ZNF557: variants seen among roughly 807,000 people sequenced by gnomAD.
The protein encoded by ZNF557 is CTB-25J19.9.
ZNF557 carries 19 observed loss-of-function variants against 21.2 expected under a neutral mutation model. The observed-to-expected ratio is 0.90, with a 90% CI of 0.63 to 1.32. The LOEUF (loss-of-function observed/expected upper bound fraction) is 1.32. ZNF557 is among the 40% of genes most tolerant of loss of function. ZNF557 has a pLI of 0.00. For missense variants in ZNF557, 487 were observed against 519.8 expected, an observed-to-expected ratio of 0.94 and a Z score of 0.61; for synonymous variants, 207 against 194.8, an observed-to-expected ratio of 1.06 and a Z score of -0.52.
chr19:7,077,154 G>A (rs867479426), intron 5 of ZNF557, among the ~76,000 whole-genome samples: 4 of 5,638 alleles, frequency 7.1e-4, no homozygotes, highest in African/African-American at 2.9e-3. Context: ...TTTTTTTTTT[G>A]AGATGGAGTT....
rs1216754638 is a variant in ZNF557, at chr19:7,084,755, G to C, written c.*1011G>C. ...TGTAATCTGTATGGTAAAACTTTGA[G>C]CTCAAACTTTCCCCCTACCAAAAAA... On this transcript the variant is annotated 3_prime_UTR_variant, in exon 8 of 8. Coordinates refer to ENST00000252840, the MANE Select transcript of ZNF557 (RefSeq NM_024341.3). 6.6e-6 allele frequency: 1 copy of C among 152,040 alleles called. No individual in the cohort carries two copies. The highest frequency in any genetic ancestry group is 6.6e-5 in the Admixed American group (1 of 15,258). The allele number at this position is 152,040 out of a possible 1,614,324, so 9.4% of individuals were successfully genotyped here.
Position 7,076,518 on chromosome 19 carries a change from T to C in ZNF557, c.247+11T>C. The C allele has an allele frequency of 6.2e-7, 1 of 1,610,386 alleles. No homozygotes were observed. Among genetic ancestry groups the C allele is most frequent in the South Asian group, 1.1e-5 (1 of 90,656 alleles). On this transcript the variant is annotated intron_variant, in intron 5 of 7. Transcript: ENST00000252840. ...ACCTGGCCTCACTGGGTAAGCCTAA[T>C]GTCATTCCTGCATTTATTTAATGAC...
At chr19:7,073,523 A>G (rs913372011) in intron 2 of ZNF557, among the ~76,000 whole-genome samples, 6 of 152,306 alleles carry the variant, frequency 3.9e-5, no homozygotes, top group African/African-American at 1.4e-4. Flanking sequence ...GTACAAATAT[A>G]TAAACTTTTC....
At chr19:7,080,678 A>C (rs1218918753) in intron 5 of ZNF557, among the ~76,000 whole-genome samples, 2 of 152,244 alleles carry the variant, frequency 1.3e-5, no homozygotes, top group Non-Finnish European at 2.9e-5. Flanking sequence ...AATGGGGAAT[A>C]GAGTGTGCAG....
chr19:7,079,451 A>G (rs1044571081), intron 5 of ZNF557, among the ~76,000 whole-genome samples: 23 of 151,582 alleles, frequency 1.5e-4, no homozygotes, highest in Admixed American at 3.3e-4. Flanking sequence ...CGTGTTAGCC[A>G]GGATGATCTC....
intron 5 of ZNF557, 77 bp downstream of exon 5, chr19:7,076,584 A>G (rs1375716546): frequency 1.1e-5 from 17 of 1,552,192 alleles, no homozygotes; most frequent in Non-Finnish European, 1.5e-5. Context: ...AAATTGAGGT[A>G]ACACAGGACA....
chr19:7,085,264 C>T lies in ZNF557; in HGVS notation c.*1520C>T, dbSNP rs1009666548. On this transcript the variant is annotated 3_prime_UTR_variant, in exon 8 of 8. Coordinates refer to ENST00000252840, the MANE Select transcript of ZNF557 (RefSeq NM_024341.3). The stretch of plus-strand genomic sequence containing the variant: ...CTTGGCTTATTGTAACCTCTGCCTC[C>T]CAGGCTTAAGGGATCCTCCCACCTC... The T allele has an allele frequency of 6.6e-6, 1 of 152,112 alleles. No homozygotes were observed. The highest frequency in any genetic ancestry group is 1.5e-5 in the Non-Finnish European group (1 of 68,020). 9.4% of individuals were successfully genotyped at this position (152,112 alleles called of 1,614,324 possible). A position where few individuals can be genotyped will look rare whatever the true frequency, so the allele number is the denominator to read the frequency against.
rs1271069586 is a variant in ZNF557, at chr19:7,086,619, CCA to C, written c.*2876_*2877del. 1 of 150,414 alleles carries C rather than the reference CCA, an allele frequency of 6.6e-6. No individual in the cohort carries two copies. The highest frequency in any genetic ancestry group is 2.4e-5 in the African/African-American group (1 of 40,922). 9.3% of individuals were successfully genotyped at this position (150,414 alleles called of 1,614,324 possible). On this transcript the variant is annotated 3_prime_UTR_variant, in exon 8 of 8. Coordinates refer to ENST00000252840, the MANE Select transcript of ZNF557 (RefSeq NM_024341.3). ...CTCGTGATCCACCTGCCTCGGCCTC[CCA>C]AAGCACTGGGATTACAGGCGTGAGC...
In ZNF557 at chr19:7,073,430, G is replaced by T. The variant is rs1248350729; in HGVS notation, c.-79-1566G>T. Among the ~76,000 whole-genome samples, 3 of 151,948 alleles carry T rather than the reference G, an allele frequency of 2.0e-5. No individual in the cohort carries two copies. The East Asian group carries it at 5.8e-4, about 29-fold the overall frequency. ...CTCGGCCTCCCAAAGTGCTGGGATT[G>T]CAGGCGTGAGCCACTGTGCCTGGCT... is the stretch of plus-strand genomic sequence containing the variant. On this transcript the variant is annotated intron_variant, in intron 2 of 7. Transcript: ENST00000252840.
chr19:7,080,256 A>C (rs536880577), intron 5 of ZNF557, among the ~76,000 whole-genome samples: 2 of 151,892 alleles, frequency 1.3e-5, no homozygotes, highest in African/African-American at 2.4e-5. Flanking sequence ...GTGAGCCGAG[A>C]TCACACCACT....
chr19:7,084,052 T>A lies in ZNF557; in HGVS notation c.*308T>A. ...ATGGCTTACAAGCCCGACAAGTGCATGCTAGCTGTTTCCAAGGGAGCTGCG... is the reference window on the plus strand; with the variant it reads ...ATGGCTTACAAGCCCGACAAGTGCAAGCTAGCTGTTTCCAAGGGAGCTGCG... On this transcript the variant is annotated 3_prime_UTR_variant, in exon 8 of 8. Transcript: ENST00000252840. 1 of 289,646 alleles carries A rather than the reference T, an allele frequency of 3.5e-6. No individual in the cohort carries two copies. The highest frequency in any genetic ancestry group is 4.4e-5 in the South Asian group (1 of 22,756). 17.9% of individuals were successfully genotyped at this position (289,646 alleles called of 1,614,324 possible).
chr19:7,078,191 A>G (rs762665871), intron 5 of ZNF557, among the ~76,000 whole-genome samples: 2 of 152,098 alleles, frequency 1.3e-5, no homozygotes, highest in Non-Finnish European at 2.9e-5. Flanking sequence ...TCATCATCCC[A>G]CTGGCTTGCG....
intron 5 of ZNF557, among the ~76,000 whole-genome samples, chr19:7,079,491 T>C (rs563800293): frequency 8.0e-4 from 121 of 152,152 alleles, no homozygotes; most frequent in Admixed American, 1.4e-3. Context: ...CCGCCCACCT[T>C]GGCCTCCCAA....
In ZNF557 at chr19:7,081,548, T is replaced by G. The variant is rs906287086; in HGVS notation, c.343+93T>G. 7 of 869,152 alleles carry G rather than the reference T, an allele frequency of 8.1e-6. No individual in the cohort carries two copies. The Admixed American group carries it at 1.6e-4, about 20-fold the overall frequency. The allele number at this position is 869,152 out of a possible 1,614,324, so 53.8% of individuals were successfully genotyped here. ...ATTATAATACATTAGGAAATATCAG[T>G]CAGAGAACTGTGTAAATGCCCCTTT... On this transcript the variant is annotated intron_variant, in intron 6 of 7. Transcript: ENST00000252840.
At position 7,083,945 on chromosome 19, in the gene ZNF557, G is replaced by GGA; in HGVS notation, c.*202_*203dup. ...AACAACATAGCTCTATAGTTCTTCAGGATATCTCAAGAGGTTACAGTCCAG... is the reference window on the plus strand; with the variant it reads ...AACAACATAGCTCTATAGTTCTTCAGGAGATATCTCAAGAGGTTACAGTCCAG... On this transcript the variant is annotated 3_prime_UTR_variant, in exon 8 of 8. Coordinates refer to ENST00000252840, the MANE Select transcript of ZNF557 (RefSeq NM_024341.3). 1.7e-6 allele frequency: 1 copy of GGA among 576,890 alleles called. No individual in the cohort carries two copies. Among genetic ancestry groups the GGA allele is most frequent in the South Asian group, 2.1e-5 (1 of 47,790 alleles). The allele number at this position is 576,890 out of a possible 1,614,324, so 35.7% of individuals were successfully genotyped here. A position where few individuals can be genotyped will look rare whatever the true frequency, so the allele number is the denominator to read the frequency against.
chr19:7,082,362 G>A (rs2145176144), intron 7 of ZNF557, among the ~76,000 whole-genome samples: 1 of 146,948 alleles, frequency 6.8e-6, no homozygotes, highest in African/African-American at 2.5e-5. Context: ...GGTGGAGCTT[G>A]CAGTGAGCCG....
rs367922525 is a variant in ZNF557, at chr19:7,082,940, A to C, written c.489A>C (p.Thr163=). Reference sequence around the variant, plus strand: ...ATCAGTGTTTTAAAGTCTTCAGCACAAAATCTTCCCTTACACGGCACAGGA... The same window carrying C: ...ATCAGTGTTTTAAAGTCTTCAGCACCAAATCTTCCCTTACACGGCACAGGA... ...ECNQCFKVFS[T]KSSLTRHRKI... The change falls in exon 8 of 8, where the codon ACA becomes ACC. Residue 163 remains threonine, a synonymous_variant. Transcript: ENST00000252840. 3.2e-5 allele frequency: 52 copies of C among 1,612,686 alleles called. No homozygotes were observed. The African/African-American group carries it at 5.7e-4, about 18-fold the overall frequency.
At chr19:7,081,212 A>G (rs1977698374) in intron 5 of ZNF557, 148 bp from the exon 6 acceptor site, 3 of 471,550 alleles carry the variant, frequency 6.4e-6, no homozygotes, top group Admixed American at 3.1e-5. Context: ...AGTGTTTAAG[A>G]CGGTTGCTAT....
At position 7,084,355 on chromosome 19, in the gene ZNF557, A is replaced by AT. The variant is rs113431612; in HGVS notation, c.*624dup. On this transcript the variant is annotated 3_prime_UTR_variant, in exon 8 of 8. Transcript: ENST00000252840. ...GGAGGAAAGCCTTCAGCTGACCCTC[A>AT]TTTTTTTTTTTTTAAGACAATGTCT... The AT allele has an allele frequency of 0.029, 4,211 of 144,612 alleles. 101 individuals are homozygous for AT. Among genetic ancestry groups the AT allele is most frequent in the African/African-American group, 0.061 (2,411 of 39,464 alleles). The allele number at this position is 144,612 out of a possible 1,614,324, so 9.0% of individuals were successfully genotyped here. A position where few individuals can be genotyped will look rare whatever the true frequency, so the allele number is the denominator to read the frequency against.
Sources: gnomAD v4.1 joint callset for allele counts (sites outside exome capture counted in the v4.1 genomes callset) on GRCh38, gnomAD v4.1.1 for gene constraint, MANE v1.5 for transcripts, NCBI Gene and HGNC (gene_info 2026-07-23, HGNC 2026-07-21) for gene names.